The following ARHGAP18 variants were observed in gnomAD, a reference collection of about 807,000 sequenced individuals.
ARHGAP18 encodes the protein Rho GTPase activating protein 18, also known as rho GTPase-activating protein 18.
A neutral mutation model predicts 86.2 loss-of-function variants in ARHGAP18; 67 were observed. The ratio of observed to expected loss-of-function variants is 0.78; its 90% CI spans 0.64 to 0.95. The LOEUF is 0.95. Ranked by LOEUF, ARHGAP18 falls within the 40% of genes least tolerant of loss-of-function variation. The pLI is 0.00. For synonymous variants in ARHGAP18, 283 were observed against 280.4 expected (o/e 1.01, Z -0.09); for missense variants, 691 against 780.4 (o/e 0.89, Z 1.37).
At chr6:129,626,426 T>G (rs986069308) in intron 5 of ARHGAP18, among the ~76,000 whole-genome samples, 1 of 151,956 alleles carries the variant, frequency 6.6e-6, no homozygotes, top group Non-Finnish European at 1.5e-5. Context: ...AAGCTAGATT[T>G]TTAATACACT....
At chr6:129,672,956 C>G (rs1183320211) in intron 1 of ARHGAP18, among the ~76,000 whole-genome samples, 1 of 152,182 alleles carries the variant, frequency 6.6e-6, no homozygotes, top group African/African-American at 2.4e-5. Context: ...GATGGAGAAA[C>G]TGGAACTCAG....
intron 1 of ARHGAP18, among the ~76,000 whole-genome samples, chr6:129,668,660 T>C (rs1214884685): frequency 6.6e-6 from 1 of 152,114 alleles, no homozygotes; most frequent in Non-Finnish European, 1.5e-5. Flanking sequence ...CAGGCACTTT[T>C]CCTACCCCAG....
intron 12 of ARHGAP18, 152 bp from the exon 13 acceptor site, chr6:129,584,264 C>A (rs1028122578): frequency 1.0e-6 from 1 of 982,994 alleles, no homozygotes; most frequent in Non-Finnish European, 1.4e-6. Flanking sequence ...TGCAAAATTA[C>A]ATCAAACCTC....
rs1218831431 is a variant in ARHGAP18 at position 129,584,018 on chromosome 6, T to C, written c.1808A>G (p.Asp603Gly). Residue 603 changes from aspartate (D) to glycine (G), a missense_variant, in exon 13 of 15, where the codon GAT becomes GGT. Asp to Gly is a moderately conservative substitution (Grantham distance 94). Transcript: ENST00000368149. ...IQLTEELKAS[D>G]VLARFLSQES... ...TTGGCTGAGAAACCTGGCAAGTACATCACTGGCTTTTAGTTCTTCAGTTAG... is the reference window on the plus strand; with the variant it reads ...TTGGCTGAGAAACCTGGCAAGTACACCACTGGCTTTTAGTTCTTCAGTTAG... 6.2e-7 allele frequency: 1 copy of C among 1,613,362 alleles called. No homozygotes were observed. Among genetic ancestry groups the C allele is most frequent in the Admixed American group, 1.7e-5 (1 of 59,976 alleles).
intron 5 of ARHGAP18, among the ~76,000 whole-genome samples, chr6:129,625,863 TATTATATATTATATA>T (rs1328455754): frequency 1.7e-5 from 1 of 60,298 alleles, no homozygotes; most frequent in East Asian, 3.5e-4. Context: ...TATATTTATA[TATTATATATTATATA>T]TTTATATATT....
chr6:129,583,940 A>G (rs756978563), intron 13 of ARHGAP18, 48 bp downstream of exon 13: 1 of 1,578,166 alleles, frequency 6.3e-7, no homozygotes, highest in Non-Finnish European at 8.6e-7. Context: ...AGAGAGAGAG[A>G]GCAAGTGACT....
intron 1 of ARHGAP18, among the ~76,000 whole-genome samples, chr6:129,663,078 T>G (rs7772168): frequency 0.032 from 4,942 of 152,150 alleles, 254 homozygotes; most frequent in African/African-American, 0.11. Flanking sequence ...AAAATCAACA[T>G]CGCCAGGAAG....
At chr6:129,619,637 TGGGGGA>T (rs1421178383) in intron 5 of ARHGAP18, among the ~76,000 whole-genome samples, 1 of 22,384 alleles carries the variant, frequency 4.5e-5, no homozygotes, top group Non-Finnish European at 9.2e-5. Context: ...GGGAAGGGGA[TGGGGGA>T]GGGGGAGGGG....
intron 1 of ARHGAP18, among the ~76,000 whole-genome samples, chr6:129,648,013 G>A (rs570809511): frequency 3.9e-4 from 59 of 152,156 alleles, no homozygotes; most frequent in Middle Eastern, 3.4e-3. Flanking sequence ...TTTGTATTGC[G>A]TATAGCCAAG....
chr6:129,594,900 C>T (rs1788585419), intron 12 of ARHGAP18, among the ~76,000 whole-genome samples: 1 of 152,072 alleles, frequency 6.6e-6, no homozygotes, highest in Admixed American at 6.6e-5. Context: ...GTATTACCAC[C>T]CATAAGCCCA....
chr6:129,709,929 A>T, intron 1 of ARHGAP18, 95 bp downstream of exon 1: 1 of 968,930 alleles, frequency 1.0e-6, no homozygotes, highest in Non-Finnish European at 1.6e-6. Flanking sequence ...CGACGTGCAG[A>T]TGGAATTCCC....
chr6:129,625,885 T>C (rs1417654792), intron 5 of ARHGAP18, among the ~76,000 whole-genome samples: 1 of 79,928 alleles, frequency 1.3e-5, no homozygotes, highest in African/African-American at 6.1e-5. Flanking sequence ...TATATTTATA[T>C]ATTATATATT....
chr6:129,584,632 G>A (rs1788355884), intron 12 of ARHGAP18, among the ~76,000 whole-genome samples: 1 of 152,132 alleles, frequency 6.6e-6, no homozygotes, highest in Non-Finnish European at 1.5e-5. Context: ...TATACACTTT[G>A]AACTTACGAT....
chr6:129,658,422 GA>G (rs35817569), intron 1 of ARHGAP18, among the ~76,000 whole-genome samples: 65,825 of 146,114 alleles, frequency 0.45, 14,557 homozygotes, highest in Middle Eastern at 0.53. Context: ...ACCTCAAATG[GA>G]AAAAAAAAAA....
intron 1 of ARHGAP18, among the ~76,000 whole-genome samples, chr6:129,653,121 A>G (rs2114511175): frequency 6.6e-6 from 1 of 152,352 alleles, no homozygotes; most frequent in South Asian, 2.1e-4. Context: ...GCAATAAGGT[A>G]GAGAAATCAT....
rs191064793 is a variant in ARHGAP18 at position 129,643,140 on chromosome 6, T to A, written c.114-1122A>T. ...AAATAATTTTTTGTTTTATTATTATTTATAGAGAAGACCATGCCCGATTCC... is the reference window on the plus strand; with the variant it reads ...AAATAATTTTTTGTTTTATTATTATATATAGAGAAGACCATGCCCGATTCC... On this transcript the variant is annotated intron_variant, in intron 1 of 14. Coordinates refer to ENST00000368149, the MANE Select transcript of ARHGAP18 (RefSeq NM_033515.3). 1.1e-4 allele frequency among the ~76,000 whole-genome samples: 16 copies of A among 152,194 alleles called. No individual in the cohort carries two copies. The East Asian group carries it at 2.9e-3, about 28-fold the overall frequency.
chr6:129,619,045 G>T (rs1334129600), intron 5 of ARHGAP18, among the ~76,000 whole-genome samples, 193 bp from the exon 6 acceptor site: 1 of 151,172 alleles, frequency 6.6e-6, no homozygotes, highest in African/African-American at 2.4e-5. Flanking sequence ...GGGTTCGGGA[G>T]TCAACTTCCA....
At chr6:129,607,401 A>G (rs2114456466) in intron 9 of ARHGAP18, among the ~76,000 whole-genome samples, 1 of 152,288 alleles carries the variant, frequency 6.6e-6, no homozygotes, top group South Asian at 2.1e-4. Context: ...CCTTCCACCA[A>G]TGAGGCAGCA....
intron 1 of ARHGAP18, among the ~76,000 whole-genome samples, chr6:129,653,382 CTG>C (rs1773756484): frequency 6.6e-6 from 1 of 152,220 alleles, no homozygotes; most frequent in African/African-American, 2.4e-5. Context: ...TATGCTATAA[CTG>C]TAATTTTATG....
Sources: allele counts gnomAD v4.1 joint callset (sites outside exome capture counted in the v4.1 genomes callset), GRCh38; gene constraint gnomAD v4.1.1; transcripts MANE v1.5; gene names NCBI Gene and HGNC (gene_info 2026-07-23, HGNC 2026-07-21).